TK2: variants seen among roughly 807,000 people sequenced by gnomAD.
TK2 encodes thymidine kinase 2, mitochondrial.
A neutral mutation model predicts 41.9 loss-of-function variants in TK2; 35 were observed. The observed-to-expected ratio is 0.84, with a 90% CI of 0.64 to 1.11. TK2 has a LOEUF of 1.11. TK2 is among the 50% of genes least tolerant of loss of function. TK2 has a pLI of 0.00. For synonymous variants in TK2, 128 were observed against 129.1 expected (o/e 0.99, Z 0.06); for missense variants, 320 against 351.1 (o/e 0.91, Z 0.71).
intron 2 of TK2, among the ~76,000 whole-genome samples, chr16:66,543,433 A>T (rs1195444663): frequency 6.6e-6 from 1 of 152,202 alleles, no homozygotes; most frequent in Non-Finnish European, 1.5e-5. Context: ...ACATAGGCCC[A>T]GTGGCTCTGG....
chr16:66,549,569 G>C, intron 1 of TK2: 3 of 1,076,364 alleles, frequency 2.8e-6, no homozygotes, highest in Non-Finnish European at 3.4e-6. Flanking sequence ...CCTCCCCCAC[G>C]CTGGCACCAG....
rs1964389737 is a variant in TK2 at position 66,509,560 on chromosome 16, G to T, written c.*2408C>A. On this transcript the variant is annotated 3_prime_UTR_variant, in exon 10 of 10. Transcript: ENST00000544898. ...TGTGCAACAAAAAAGTCAGCGAGAG[G>T]TAGAGCAGCTGAGCAGCTCTGCGGT... 1 of 152,246 alleles carries T rather than the reference G, an allele frequency of 6.6e-6. No homozygotes were observed. The highest frequency in any genetic ancestry group is 1.5e-5 in the Non-Finnish European group (1 of 68,034). The allele number at this position is 152,246 out of a possible 1,614,324, so 9.4% of individuals were successfully genotyped here. A position where few individuals can be genotyped will look rare whatever the true frequency, so the allele number is the denominator to read the frequency against.
intron 6 of TK2, among the ~76,000 whole-genome samples, chr16:66,518,770 A>G (rs1352392521): frequency 6.6e-6 from 1 of 152,194 alleles, no homozygotes; most frequent in Non-Finnish European, 1.5e-5. Flanking sequence ...AGTATTCACC[A>G]ATGCATCTTG....
chr16:66,549,906 C>A, intron 1 of TK2, 32 bp downstream of exon 1: 1 of 1,342,776 alleles, frequency 7.4e-7, no homozygotes, highest in African/African-American at 1.5e-5. Flanking sequence ...CGCATAGGGG[C>A]TCCTGGGAGG....
chr16:66,549,320 G>T, intron 1 of TK2: 1 of 1,186,408 alleles, frequency 8.4e-7, no homozygotes, highest in Non-Finnish European at 1.1e-6. Flanking sequence ...TGGAAAGGCA[G>T]AACAGCCTCC....
In TK2 at chr16:66,549,659, CG is replaced by C. The variant is rs375942177; in HGVS notation, c.124+278del. On this transcript the variant is annotated intron_variant, in intron 1 of 9. Transcript: ENST00000544898. The stretch of plus-strand genomic sequence containing the variant: ...GAAAGAATCGGGACAGGAAATGGGT[CG>C]GGGGACCGAGTTTGGGCCGGAATGT... The C allele has an allele frequency of 6.4e-5, 78 of 1,212,838 alleles. No individual in the cohort carries two copies. The African/African-American group carries it at 1.1e-3, about 17-fold the overall frequency. 75.1% of individuals were successfully genotyped at this position (1,212,838 alleles called of 1,614,324 possible). A position where few individuals can be genotyped will look rare whatever the true frequency, so the allele number is the denominator to read the frequency against.
At chr16:66,533,783 G>A (rs974711812) in intron 4 of TK2, among the ~76,000 whole-genome samples, 9 of 151,862 alleles carry the variant, frequency 5.9e-5, no homozygotes, top group African/African-American at 1.2e-4. Flanking sequence ...CGAGGTGCGC[G>A]GATCACGAGG....
chr16:66,547,507 G>A (rs1965644648), intron 2 of TK2, among the ~76,000 whole-genome samples: 1 of 152,052 alleles, frequency 6.6e-6, no homozygotes, highest in Non-Finnish European at 1.5e-5. Flanking sequence ...ATTCTTCTGT[G>A]ACTTGTACCT....
chr16:66,542,049 A>T, intron 2 of TK2, 96 bp from the exon 3 acceptor site: 1 of 1,348,492 alleles, frequency 7.4e-7, no homozygotes. Flanking sequence ...TAACCAGCAT[A>T]ATTGGTTCAG....
intron 2 of TK2, chr16:66,548,764 G>A: frequency 1.7e-6 from 1 of 571,592 alleles, no homozygotes; most frequent in Non-Finnish European, 3.2e-6. Context: ...AAATACTTGT[G>A]TGCTCCTATC....
chr16:66,536,519 G>A (rs1355624246), intron 4 of TK2, among the ~76,000 whole-genome samples: 3 of 152,140 alleles, frequency 2.0e-5, no homozygotes, highest in Non-Finnish European at 2.9e-5. Context: ...TTCCAGGTAA[G>A]CCAGAGGTGG....
At chr16:66,537,786 A>G (rs1347829184) in intron 3 of TK2, among the ~76,000 whole-genome samples, 2 of 152,232 alleles carry the variant, frequency 1.3e-5, no homozygotes, top group African/African-American at 2.4e-5. Flanking sequence ...GCCAGGATCC[A>G]TCTGGGAACT....
rs757869517 is a variant in TK2 at position 66,513,883 on chromosome 16, A to AG, written c.619-73dup. On this transcript the variant is annotated intron_variant, in intron 8 of 9. Coordinates refer to ENST00000544898, the MANE Select transcript of TK2 (RefSeq NM_004614.5). ...CCCACCTACCAAGGGTGTCAAGCAG[A>AG]GGGGGTCAAAGTAGTCAATGACCAT... 20 of 1,328,472 alleles carry AG rather than the reference A, an allele frequency of 1.5e-5. No homozygotes were observed. In the African/African-American group the frequency reaches 2.9e-4, roughly 19 times the overall value. 82.3% of individuals were successfully genotyped at this position (1,328,472 alleles called of 1,614,324 possible).
At chr16:66,538,589 C>T (rs1359098077) in intron 3 of TK2, among the ~76,000 whole-genome samples, 1 of 152,168 alleles carries the variant, frequency 6.6e-6, no homozygotes, top group South Asian at 2.1e-4. Flanking sequence ...AATAGCAAAA[C>T]CAGCCCAGCC....
Position 66,520,448 on chromosome 16 carries a change from G to A in TK2, c.450-2571C>T, listed in dbSNP as rs929538179. On this transcript the variant is annotated intron_variant, in intron 6 of 9. Coordinates refer to ENST00000544898, the MANE Select transcript of TK2 (RefSeq NM_004614.5). ...TCGTCTCCCCTAGTTCCAGCAATGC[G>A]TTCAGGAAGCCAAGCTAAGTCAATC... Among the ~76,000 whole-genome samples the A allele has an allele frequency of 1.3e-4, 20 of 152,274 alleles. No homozygotes were observed. The East Asian group carries it at 1.7e-3, about 13-fold the overall frequency.
intron 2 of TK2, chr16:66,548,759 C>T (rs1273324627): frequency 7.1e-6 from 4 of 562,470 alleles, no homozygotes; most frequent in East Asian, 5.8e-5. Context: ...GATACAAATA[C>T]TTGTGTGCTC....
At chr16:66,545,100 A>G (rs1371792771) in intron 2 of TK2, among the ~76,000 whole-genome samples, 3 of 151,976 alleles carry the variant, frequency 2.0e-5, no homozygotes, top group Non-Finnish European at 4.4e-5. Context: ...TCTTCAAAAA[A>G]AAAAAAAAAA....
At position 66,537,347 on chromosome 16, in the gene TK2, T is replaced by C. The variant is rs910691390; in HGVS notation, c.232-330A>G. 1.2e-4 allele frequency among the ~76,000 whole-genome samples: 19 copies of C among 152,196 alleles called. 1 individual carries two copies. The highest frequency in any genetic ancestry group is 1.2e-3 in the Admixed American group (18 of 15,286). On this transcript the variant is annotated intron_variant, in intron 3 of 9. Transcript: ENST00000544898. ...TGGCTCTGTCCATCCCTCTTCTGTG[T>C]ATTCTATCCCACCCCTGCCTGCCTA... is the stretch of plus-strand genomic sequence containing the variant.
intron 4 of TK2, among the ~76,000 whole-genome samples, chr16:66,536,065 A>G (rs527984201): frequency 6.6e-6 from 1 of 152,156 alleles, no homozygotes; most frequent in East Asian, 1.9e-4. Context: ...TTAGCTGGGC[A>G]TGGTCGTGCG....
Sources: gnomAD v4.1 joint callset for allele counts (sites outside exome capture counted in the v4.1 genomes callset) on GRCh38, gnomAD v4.1.1 for gene constraint, MANE v1.5 for transcripts, NCBI Gene and HGNC (gene_info 2026-07-23, HGNC 2026-07-21) for gene names.